EIF3K: variants seen among roughly 807,000 people sequenced by gnomAD.
EIF3K encodes the protein eIF-3 p28.
EIF3K carries 27 observed loss-of-function variants against 34.2 expected under a neutral mutation model. The ratio of observed to expected loss-of-function variants is 0.79; its 90% CI spans 0.58 to 1.09. EIF3K has a LOEUF of 1.09. EIF3K is among the 50% of genes least tolerant of loss of function. The pLI is 0.00. For synonymous variants in EIF3K, 105 were observed against 105.7 expected (o/e 0.99, Z 0.04); for missense variants, 232 against 275.4 (o/e 0.84, Z 1.11).
chr19:38,627,905 CTT>C (rs60551864), intron 4 of EIF3K, among the ~76,000 whole-genome samples: 8 of 140,144 alleles, frequency 5.7e-5, no homozygotes, highest in Non-Finnish European at 6.2e-5. Flanking sequence ...ATTTTCTTTC[CTT>C]TTTTTTTTTT....
intron 2 of EIF3K, among the ~76,000 whole-genome samples, chr19:38,620,906 T>TA (rs1225382367): frequency 6.8e-6 from 1 of 147,344 alleles, no homozygotes; most frequent in East Asian, 2.0e-4. Context: ...AAAATAATAA[T>TA]AAAAAATCAA....
chr19:38,631,270 G>A (rs1159681060), intron 4 of EIF3K, among the ~76,000 whole-genome samples: 1 of 152,174 alleles, frequency 6.6e-6, no homozygotes, highest in Non-Finnish European at 1.5e-5. Context: ...TTCAGCACAC[G>A]GAGGATCCCA....
intron 2 of EIF3K, among the ~76,000 whole-genome samples, chr19:38,620,882 G>A (rs889323391): frequency 1.3e-5 from 2 of 149,526 alleles, no homozygotes; most frequent in South Asian, 2.1e-4. Flanking sequence ...CAACAAGACC[G>A]AAACTCCGTC....
chr19:38,630,460 T>C (rs1029148706), intron 4 of EIF3K, among the ~76,000 whole-genome samples: 2 of 151,622 alleles, frequency 1.3e-5, no homozygotes, highest in African/African-American at 4.8e-5. Flanking sequence ...TTCTTCTGCC[T>C]CAGCATCCCG....
intron 7 of EIF3K, among the ~76,000 whole-genome samples, chr19:38,636,268 A>G (rs1351420589): frequency 1.3e-5 from 2 of 152,208 alleles, no homozygotes; most frequent in Non-Finnish European, 2.9e-5. Flanking sequence ...ATCTCAGGGA[A>G]GTAGGAGCCC....
At chr19:38,626,344 A>G in intron 4 of EIF3K, 1 of 516,406 alleles carries the variant, frequency 1.9e-6, no homozygotes, top group Non-Finnish European at 3.5e-6. Context: ...GCCCTCTAGT[A>G]CACACCGTTG....
intron 4 of EIF3K, among the ~76,000 whole-genome samples, chr19:38,628,756 G>A (rs1014481691): frequency 3.9e-5 from 6 of 151,984 alleles, no homozygotes; most frequent in Non-Finnish European, 8.8e-5. Context: ...CCTGGGAGGC[G>A]GAGATTGCGG....
intron 7 of EIF3K, among the ~76,000 whole-genome samples, chr19:38,636,287 CG>C (rs919989969): frequency 6.6e-6 from 1 of 152,132 alleles, no homozygotes; most frequent in Non-Finnish European, 1.5e-5. Flanking sequence ...CCAGCCCTGC[CG>C]GGGGAGTAGA....
intron 4 of EIF3K, among the ~76,000 whole-genome samples, chr19:38,629,405 G>A (rs112861500): frequency 7.9e-5 from 12 of 152,132 alleles, no homozygotes; most frequent in South Asian, 2.1e-4. Flanking sequence ...AGTGATCCCC[G>A]CACTTCAGCC....
intron 4 of EIF3K, among the ~76,000 whole-genome samples, chr19:38,630,319 C>T (rs1390641856): frequency 1.3e-5 from 2 of 150,746 alleles, no homozygotes; most frequent in Non-Finnish European, 3.0e-5. Flanking sequence ...CACCACCACA[C>T]CCGGTTTAAT....
intron 4 of EIF3K, 132 bp downstream of exon 4, chr19:38,626,234 T>C: frequency 1.2e-6 from 1 of 845,410 alleles, no homozygotes; most frequent in Non-Finnish European, 2.0e-6. Context: ...TGTGTGTGTT[T>C]GTGGAATTAT....
intron 7 of EIF3K, 31 bp downstream of exon 7, chr19:38,635,149 G>T: frequency 6.2e-7 from 1 of 1,613,796 alleles, no homozygotes. Flanking sequence ...TCGGGCTTTG[G>T]GGCTAAGGGG....
At chr19:38,633,554 TG>T (rs1186353108) in intron 6 of EIF3K, among the ~76,000 whole-genome samples, 1 of 151,588 alleles carries the variant, frequency 6.6e-6, no homozygotes, top group Non-Finnish European at 1.5e-5. Context: ...AAAAAATTGC[TG>T]GGTGTGGTGG....
chr19:38,621,321 G>A (rs1975836177), intron 2 of EIF3K, among the ~76,000 whole-genome samples: 1 of 152,096 alleles, frequency 6.6e-6, no homozygotes, highest in Non-Finnish European at 1.5e-5. Context: ...GCTGAGGCAG[G>A]AGAATTTTTT....
At chr19:38,636,220 G>T (rs1383529297) in intron 7 of EIF3K, among the ~76,000 whole-genome samples, 1 of 152,230 alleles carries the variant, frequency 6.6e-6, no homozygotes, top group Non-Finnish European at 1.5e-5. Context: ...GGAGAGGGCA[G>T]TGCTGAGTCA....
intron 6 of EIF3K, 125 bp from the exon 7 acceptor site, chr19:38,634,868 C>A: frequency 7.2e-7 from 1 of 1,392,598 alleles, no homozygotes; most frequent in Non-Finnish European, 9.7e-7. Context: ...TGCTGCTGTC[C>A]AGGAGATGTC....
chr19:38,635,203 G>A, intron 7 of EIF3K, 85 bp downstream of exon 7: 3 of 1,583,548 alleles, frequency 1.9e-6, no homozygotes, highest in Non-Finnish European at 2.6e-6. Flanking sequence ...GAGGACCTGG[G>A]TAGATCTGCT....
At chr19:38,632,286 G>A in intron 4 of EIF3K, 144 bp from the exon 5 acceptor site, 1 of 723,756 alleles carries the variant, frequency 1.4e-6, no homozygotes. Flanking sequence ...AGCACTTTGG[G>A]GGGCTGAGGC....
At chr19:38,636,075 G>A (rs1055428694) in intron 7 of EIF3K, among the ~76,000 whole-genome samples, 2 of 152,330 alleles carry the variant, frequency 1.3e-5, no homozygotes, top group East Asian at 1.9e-4. Context: ...ACCTCTAAAC[G>A]CCGCGTGACT....
Sources: allele counts gnomAD v4.1 joint callset (sites outside exome capture counted in the v4.1 genomes callset), GRCh38; gene constraint gnomAD v4.1.1; transcripts MANE v1.5; gene names NCBI Gene and HGNC (gene_info 2026-07-23, HGNC 2026-07-21).